RAP1GAP2: variants seen among roughly 807,000 people sequenced by gnomAD.
RAP1GAP2 encodes the protein RAP1 GTPase activating protein 2, also known as rap1 GTPase-activating protein 2.
A neutral mutation model predicts 95.0 loss-of-function variants in RAP1GAP2; 27 were observed. The observed-to-expected ratio is 0.28, with a 90% CI of 0.21 to 0.39. RAP1GAP2 has a LOEUF of 0.39. Ranked by LOEUF, RAP1GAP2 falls within the 10% of genes least tolerant of loss-of-function variation. RAP1GAP2 has a pLI of 1.00. For synonymous variants in RAP1GAP2, 373 were observed against 380.9 expected (o/e 0.98, Z 0.24); for missense variants, 771 against 970.0 (o/e 0.79, Z 2.72).
rs1426210005 is a variant in RAP1GAP2, at chr17:2,904,619, T to G, written c.81-665T>G. ...ATGAATCCGCGTTTCTCCCCTCCTCTTCTCACACCCAGCCCCAGTCCTGGA... is the reference window on the plus strand; with the variant it reads ...ATGAATCCGCGTTTCTCCCCTCCTCGTCTCACACCCAGCCCCAGTCCTGGA... On this transcript the variant is annotated intron_variant, in intron 2 of 24. Transcript: ENST00000254695. The surrounding 1 kb of genome is among the most constrained non-coding windows in gnomAD (Gnocchi z 4.7). Among the ~76,000 whole-genome samples the G allele has an allele frequency of 2.0e-5, 3 of 149,012 alleles. No homozygotes were observed. The highest frequency in any genetic ancestry group is 7.4e-5 in the African/African-American group (3 of 40,678).
At chr17:2,783,002 G>C (rs1021903050) in intron 1 of RAP1GAP2, among the ~76,000 whole-genome samples, 1 of 152,202 alleles carries the variant, frequency 6.6e-6, no homozygotes, top group Non-Finnish European at 1.5e-5. Context: ...GGGTGACAGA[G>C]TAAGACTCCG....
chr17:2,923,343 T>C (rs1338043130), intron 3 of RAP1GAP2, among the ~76,000 whole-genome samples: 3 of 147,280 alleles, frequency 2.0e-5, no homozygotes, highest in African/African-American at 7.6e-5. Flanking sequence ...CGGCCTTTTT[T>C]TTTTTTGAGA....
At chr17:2,907,834 GC>G (rs1418954313) in intron 3 of RAP1GAP2, among the ~76,000 whole-genome samples, 2 of 152,050 alleles carry the variant, frequency 1.3e-5, no homozygotes, top group Non-Finnish European at 2.9e-5. Flanking sequence ...TTGAGACAGA[GC>G]CTTGCTCTGT....
At chr17:2,808,585 G>T (rs937918361) in intron 2 of RAP1GAP2, among the ~76,000 whole-genome samples, 2 of 152,136 alleles carry the variant, frequency 1.3e-5, no homozygotes, top group African/African-American at 2.4e-5. Context: ...GGCCCGGCTC[G>T]GCTCCTGGGT....
chr17:2,898,265 G>T (rs1360280196), intron 2 of RAP1GAP2, among the ~76,000 whole-genome samples: 1 of 152,158 alleles, frequency 6.6e-6, no homozygotes, highest in Non-Finnish European at 1.5e-5. Context: ...CAAATCTTTG[G>T]AATCCTCTCA....
intron 1 of RAP1GAP2, among the ~76,000 whole-genome samples, chr17:2,765,894 G>A (rs571602066): frequency 1.3e-4 from 20 of 152,096 alleles, no homozygotes; most frequent in East Asian, 1.9e-4. Context: ...GCTTGAACCC[G>A]GGAGGTGGAG....
At chr17:2,799,932 C>A (rs940744298) in intron 1 of RAP1GAP2, among the ~76,000 whole-genome samples, 28 of 152,164 alleles carry the variant, frequency 1.8e-4, no homozygotes, top group Non-Finnish European at 4.0e-4. Flanking sequence ...CAAACGTGAT[C>A]TTCCCCGCTC....
chr17:2,825,713 G>T lies in RAP1GAP2; in HGVS notation c.80+25163G>T, dbSNP rs2070518669. ...CACTTAGCATGGTGCTTGGCGCAGA[G>T]TTAGTGCTCGTGACTGCAGCTGTTA... is the stretch of plus-strand genomic sequence containing the variant. On this transcript the variant is annotated intron_variant, in intron 2 of 24. Coordinates refer to ENST00000254695, the MANE Select transcript of RAP1GAP2 (RefSeq NM_015085.5). The surrounding 1 kb of genome is among the most constrained non-coding windows in gnomAD (Gnocchi z 4.1). Among the ~76,000 whole-genome samples, 1 of 152,122 alleles carries T rather than the reference G, an allele frequency of 6.6e-6. No individual in the cohort carries two copies. Among genetic ancestry groups the T allele is most frequent in the South Asian group, 2.1e-4 (1 of 4,792 alleles).
chr17:2,830,492 G>C (rs1384958869), intron 2 of RAP1GAP2, among the ~76,000 whole-genome samples: 1 of 152,040 alleles, frequency 6.6e-6, no homozygotes, highest in Non-Finnish European at 1.5e-5. Flanking sequence ...GAGGCGGGCA[G>C]ATCACGATGT....
intron 1 of RAP1GAP2, among the ~76,000 whole-genome samples, chr17:2,760,419 C>T (rs2071222523): frequency 2.6e-5 from 4 of 151,290 alleles, no homozygotes; most frequent in African/African-American, 9.7e-5. Flanking sequence ...CAGCTCACTG[C>T]AGCCTCTGCC....
Position 2,866,509 on chromosome 17 carries a change from A to C in RAP1GAP2, c.81-38775A>C, listed in dbSNP as rs1347493552. ...TGTTATTGTGATTTTTATTAAATAG[A>C]GGTTTGGGGCCCAAGGGCCTTTGTG... On this transcript the variant is annotated intron_variant, in intron 2 of 24. Transcript: ENST00000254695. This position sits in a 1 kb window ranked among gnomAD's most constrained non-coding sequence, Gnocchi z 4.0. 1.3e-5 allele frequency among the ~76,000 whole-genome samples: 2 copies of C among 152,230 alleles called. No homozygotes were observed. Among genetic ancestry groups the C allele is most frequent in the Non-Finnish European group, 2.9e-5 (2 of 68,046 alleles).
At chr17:2,838,914 G>C (rs1217524926) in intron 2 of RAP1GAP2, among the ~76,000 whole-genome samples, 1 of 152,110 alleles carries the variant, frequency 6.6e-6, no homozygotes, top group Middle Eastern at 3.2e-3. Flanking sequence ...CTCAGGCCTT[G>C]GGCAGGCGAC....
chr17:2,897,383 G>T (rs984953302), intron 2 of RAP1GAP2, among the ~76,000 whole-genome samples: 2 of 151,964 alleles, frequency 1.3e-5, no homozygotes, highest in South Asian at 2.1e-4. Context: ...CCAGAAGCCA[G>T]TTGTGCTTCC....
chr17:2,991,129 C>CA (rs1234549367), intron 11 of RAP1GAP2, among the ~76,000 whole-genome samples, 168 bp from the exon 12 acceptor site: 1 of 152,120 alleles, frequency 6.6e-6, no homozygotes, highest in East Asian at 1.9e-4. Flanking sequence ...GAGTCTCCAT[C>CA]AGTCCCTCCT....
intron 3 of RAP1GAP2, among the ~76,000 whole-genome samples, chr17:2,947,871 C>T (rs186619492): frequency 3.9e-5 from 6 of 152,262 alleles, no homozygotes; most frequent in South Asian, 4.1e-4. Flanking sequence ...CCTCTTCATC[C>T]GGATGAGAAA....
intron 1 of RAP1GAP2, among the ~76,000 whole-genome samples, chr17:2,761,808 C>T (rs1443081187): frequency 6.6e-5 from 10 of 151,980 alleles, no homozygotes; most frequent in Admixed American, 5.3e-4. Context: ...CAGCTGTGTA[C>T]GAAGGTTCCG....
intron 19 of RAP1GAP2, among the ~76,000 whole-genome samples, chr17:3,024,804 A>G (rs1044030410): frequency 1.6e-4 from 25 of 152,376 alleles, no homozygotes; most frequent in African/African-American, 5.0e-4. Context: ...AAGCCAGACA[A>G]AAAGACCATA....
Position 3,018,250 on chromosome 17 carries a change from C to G in RAP1GAP2, c.1632+52C>G, listed in dbSNP as rs189280592. ...CAAGTGGGTCCCAGGGAGGCCCCCC[C>G]CAGACCTATGGAGGAAGAGTGCCCC... On this transcript the variant is annotated intron_variant, in intron 18 of 24. Coordinates refer to ENST00000254695, the MANE Select transcript of RAP1GAP2 (RefSeq NM_015085.5). The G allele has an allele frequency of 2.8e-5, 43 of 1,519,626 alleles. No individual in the cohort carries two copies. The East Asian group carries it at 5.8e-4, about 21-fold the overall frequency. 94.1% of individuals were successfully genotyped at this position (1,519,626 alleles called of 1,614,324 possible). A position where few individuals can be genotyped will look rare whatever the true frequency, so the allele number is the denominator to read the frequency against.
intron 1 of RAP1GAP2, among the ~76,000 whole-genome samples, chr17:2,762,509 T>C (rs1409311957): frequency 6.6e-6 from 1 of 151,166 alleles, no homozygotes; most frequent in Admixed American, 6.6e-5. Flanking sequence ...GTGATTCTCC[T>C]GCCTCAGCCT....
Sources: allele counts gnomAD v4.1 joint callset (sites outside exome capture counted in the v4.1 genomes callset), GRCh38; gene constraint gnomAD v4.1.1; non-coding constraint Gnocchi (gnomAD v3.1); transcripts MANE v1.5; gene names NCBI Gene and HGNC (gene_info 2026-07-23, HGNC 2026-07-21).